Variants in VSNL1 observed in about 807,000 individuals in gnomAD.
VSNL1 encodes the protein visinin-like protein 1.
VSNL1 carries 6 observed loss-of-function variants against 20.4 expected under a neutral mutation model. That is an observed-to-expected ratio of 0.29 (90% CI 0.16 to 0.58). The LOEUF is 0.58. Among genes scored for constraint, VSNL1 ranks in the 20% least tolerant of loss-of-function variants. VSNL1 has a pLI of 0.90. For synonymous variants in VSNL1, 93 were observed against 86.4 expected (o/e 1.08, Z -0.42); for missense variants, 100 against 234.5 (o/e 0.43, Z 3.75).
intron 1 of VSNL1, among the ~76,000 whole-genome samples, chr2:17,545,399 A>G (rs1481908526): frequency 1.3e-5 from 2 of 152,130 alleles, no homozygotes; most frequent in Admixed American, 1.3e-4. Context: ...ATCTATTTAC[A>G]TGTTTATCCT....
chr2:17,628,441 C>T (rs1347093682), intron 2 of VSNL1, among the ~76,000 whole-genome samples: 1 of 152,174 alleles, frequency 6.6e-6, no homozygotes, highest in Non-Finnish European at 1.5e-5. Context: ...TACACTGTTT[C>T]CACTAGGTAC....
At chr2:17,550,672 A>G (rs1663512631) in intron 1 of VSNL1, among the ~76,000 whole-genome samples, 1 of 152,232 alleles carries the variant, frequency 6.6e-6, no homozygotes, top group African/African-American at 2.4e-5. Flanking sequence ...AGTAAGACCA[A>G]CAGGAGAAAC....
At chr2:17,612,020 TGTCA>T (rs1665101479) in intron 2 of VSNL1, among the ~76,000 whole-genome samples, 1 of 152,210 alleles carries the variant, frequency 6.6e-6, no homozygotes, top group Non-Finnish European at 1.5e-5. Context: ...CTTTGTCATT[TGTCA>T]GGGAGAGGAC....
At chr2:17,552,481 G>A (rs1156817163) in intron 1 of VSNL1, among the ~76,000 whole-genome samples, 6 of 152,012 alleles carry the variant, frequency 3.9e-5, no homozygotes, top group African/African-American at 7.3e-5. Flanking sequence ...TAGGGAAAGC[G>A]TACATATTTG....
At chr2:17,550,807 T>G (rs1663516366) in intron 1 of VSNL1, among the ~76,000 whole-genome samples, 1 of 152,214 alleles carries the variant, frequency 6.6e-6, no homozygotes, top group Non-Finnish European at 1.5e-5. Flanking sequence ...GTTCTGATTA[T>G]GAAAATCTGA....
chr2:17,648,945 G>C (rs1048612386), intron 2 of VSNL1, among the ~76,000 whole-genome samples: 3 of 152,212 alleles, frequency 2.0e-5, no homozygotes, highest in African/African-American at 7.2e-5. Flanking sequence ...GACGAGGGCT[G>C]GTGGCAGGAG....
intron 2 of VSNL1, among the ~76,000 whole-genome samples, chr2:17,632,696 A>C (rs1285292768): frequency 6.6e-6 from 1 of 152,212 alleles, no homozygotes; most frequent in African/African-American, 2.4e-5. Context: ...AATGTGTACT[A>C]TCTATAGAGT....
At chr2:17,632,467 A>G (rs1665656917) in intron 2 of VSNL1, among the ~76,000 whole-genome samples, 1 of 151,836 alleles carries the variant, frequency 6.6e-6, no homozygotes. Context: ...CACCCAGCTA[A>G]TTTTTGTATT....
chr2:17,564,771 G>C (rs1012945604), intron 1 of VSNL1, among the ~76,000 whole-genome samples: 1 of 152,176 alleles, frequency 6.6e-6, no homozygotes, highest in African/African-American at 2.4e-5. Flanking sequence ...CTTCAAAGCA[G>C]TCAGGGTCTA....
intron 2 of VSNL1, among the ~76,000 whole-genome samples, chr2:17,637,578 A>G (rs748831053): frequency 8.6e-5 from 13 of 151,584 alleles, no homozygotes; most frequent in Non-Finnish European, 1.6e-4. Flanking sequence ...TGACTTCTCC[A>G]ACCTGCCTGG....
At chr2:17,648,220 T>C (rs963941098) in intron 2 of VSNL1, among the ~76,000 whole-genome samples, 14 of 152,188 alleles carry the variant, frequency 9.2e-5, no homozygotes, top group Admixed American at 1.3e-4. Flanking sequence ...AATCCTTCTG[T>C]GTTAAAGCAT....
intron 1 of VSNL1, among the ~76,000 whole-genome samples, chr2:17,542,326 G>A (rs1663303517): frequency 6.6e-6 from 1 of 152,104 alleles, no homozygotes; most frequent in African/African-American, 2.4e-5. Context: ...CACTGAAGCA[G>A]GTTGGCAGAA....
At chr2:17,593,444 G>A (rs1438372970) in intron 2 of VSNL1, among the ~76,000 whole-genome samples, 2 of 152,142 alleles carry the variant, frequency 1.3e-5, no homozygotes, top group Admixed American at 6.5e-5. Flanking sequence ...TGTTTTATAG[G>A]ATTACCAATA....
rs768302098 is a variant in VSNL1, at chr2:17,616,031, T to A, written c.162+23795T>A. ...GCTTGGGACTTGAACAAAAGCACAG[T>A]TGTTACAGAAAGGAAAAACTGGGAA... is the stretch of plus-strand genomic sequence containing the variant. On this transcript the variant is annotated intron_variant, in intron 2 of 3. Transcript: ENST00000295156. Among the ~76,000 whole-genome samples, 23 of 152,212 alleles carry A rather than the reference T, an allele frequency of 1.5e-4. 1 individual carries two copies. The highest frequency in any genetic ancestry group is 3.1e-4 in the Non-Finnish European group (21 of 68,032).
chr2:17,586,405 C>A (rs190175006), intron 1 of VSNL1, among the ~76,000 whole-genome samples: 251 of 152,278 alleles, frequency 1.6e-3, no homozygotes, highest in African/African-American at 4.3e-3. Flanking sequence ...TGTATTCAGA[C>A]AAGTTTAGGA....
chr2:17,595,982 C>T lies in VSNL1; in HGVS notation c.162+3746C>T, dbSNP rs542634814. Reference sequence around the variant, plus strand: ...TTCAAATATACCACTGTTTATTTTCCACTTTCCCTTTGATGGGCACTACTT... The same window carrying T: ...TTCAAATATACCACTGTTTATTTTCTACTTTCCCTTTGATGGGCACTACTT... On this transcript the variant is annotated intron_variant, in intron 2 of 3. Coordinates refer to ENST00000295156, the MANE Select transcript of VSNL1 (RefSeq NM_003385.5). Among the ~76,000 whole-genome samples, 3 of 152,226 alleles carry T rather than the reference C, an allele frequency of 2.0e-5. 1 individual carries two copies. In the South Asian group the frequency reaches 6.2e-4, roughly 32 times the overall value.
chr2:17,611,014 T>G (rs1665071644), intron 2 of VSNL1, among the ~76,000 whole-genome samples: 1 of 152,230 alleles, frequency 6.6e-6, no homozygotes, highest in African/African-American at 2.4e-5. Context: ...GAGACCCTAC[T>G]ATGTGTTAAA....
intron 2 of VSNL1, among the ~76,000 whole-genome samples, chr2:17,622,577 AAAGAAAGAAAGAAAGAAAG>A (rs1665402336): frequency 1.6e-5 from 2 of 128,942 alleles, no homozygotes; most frequent in Admixed American, 1.5e-4. Flanking sequence ...AGAAAGAAAG[AAAGAAAGAAAGAAAGAAAG>A]AAAGAAAAGA....
chr2:17,632,413 G>C (rs569268523), intron 2 of VSNL1, among the ~76,000 whole-genome samples: 6 of 152,038 alleles, frequency 3.9e-5, no homozygotes, highest in Admixed American at 3.3e-4. Context: ...TGATTCTCCT[G>C]ACTCAGCCTC....
Sources: allele counts gnomAD v4.1 joint callset (sites outside exome capture counted in the v4.1 genomes callset), GRCh38; gene constraint gnomAD v4.1.1; transcripts MANE v1.5; gene names NCBI Gene and HGNC (gene_info 2026-07-23, HGNC 2026-07-21).